Variants in CRBN observed in about 807,000 individuals in gnomAD.
CRBN encodes the protein cereblon.
A neutral mutation model predicts 62.2 loss-of-function variants in CRBN; 53 were observed. That is an observed-to-expected ratio of 0.85 (90% CI 0.68 to 1.07). The LOEUF (loss-of-function observed/expected upper bound fraction) is 1.07, where lower values mean the gene tolerates loss of function less well. Ranked by LOEUF, CRBN falls within the 50% of genes least tolerant of loss-of-function variation. CRBN has a pLI of 0.00. For missense variants in CRBN, 616 were observed against 531.1 expected (o/e 1.16, Z -1.57); for synonymous variants, 208 against 176.1 (o/e 1.18, Z -1.43).
chr3:3,151,618 T>C (rs1448106305), intron 10 of CRBN, among the ~76,000 whole-genome samples: 1 of 152,364 alleles, frequency 6.6e-6, no homozygotes, highest in Non-Finnish European at 1.5e-5. Flanking sequence ...TCCCTAGGTA[T>C]ACCATGCCAC....
At chr3:3,158,135 T>G (rs1290796130) in intron 5 of CRBN, among the ~76,000 whole-genome samples, 1 of 151,950 alleles carries the variant, frequency 6.6e-6, no homozygotes, top group African/African-American at 2.4e-5. Context: ...AAAGATGGGG[T>G]GGAGGATGGT....
chr3:3,156,433 T>C lies in CRBN; in HGVS notation c.688-152A>G, dbSNP rs567035077. 1.4e-5 allele frequency: 9 copies of C among 652,820 alleles called. No individual in the cohort carries two copies. The Admixed American group carries it at 1.7e-4, about 12-fold the overall frequency. The allele number at this position is 652,820 out of a possible 1,614,324, so 40.4% of individuals were successfully genotyped here. ...TGTAGATAATCCCATGACGTGACTATCTATGAAGTGTGAAATCATGCTTCC... is the reference window on the plus strand; with the variant it reads ...TGTAGATAATCCCATGACGTGACTACCTATGAAGTGTGAAATCATGCTTCC... On this transcript the variant is annotated intron_variant, in intron 5 of 10. Transcript: ENST00000231948.
At chr3:3,153,687 A>G (rs1422151393) in intron 8 of CRBN, 199 bp from the exon 9 acceptor site, 8 of 617,948 alleles carry the variant, frequency 1.3e-5, no homozygotes, top group Non-Finnish European at 1.7e-5. Context: ...ATATTTACAT[A>G]AAACTAAATG....
intron 5 of CRBN, among the ~76,000 whole-genome samples, chr3:3,166,511 C>T (rs1707357369): frequency 6.6e-6 from 1 of 152,104 alleles, no homozygotes; most frequent in African/African-American, 2.4e-5. Context: ...AAGGCAGTAT[C>T]AATATTACTA....
chr3:3,170,184 T>C (rs888623865), intron 4 of CRBN, among the ~76,000 whole-genome samples: 2 of 152,174 alleles, frequency 1.3e-5, no homozygotes, highest in Non-Finnish European at 2.9e-5. Context: ...CTTCACCATG[T>C]TGGCCAAGCT....
rs369973557 is a variant in CRBN, at chr3:3,178,826, C to T, written c.67+795G>A. On this transcript the variant is annotated intron_variant, in intron 1 of 10. Coordinates refer to ENST00000231948, the MANE Select transcript of CRBN (RefSeq NM_016302.4). ...GTAATACTTTCAAGTTTGGATGATACACCTTTTGGAAAGCATCTCTTGAAA... is the reference window on the plus strand; with the variant it reads ...GTAATACTTTCAAGTTTGGATGATATACCTTTTGGAAAGCATCTCTTGAAA... Among the ~76,000 whole-genome samples, 18 of 152,226 alleles carry T rather than the reference C, an allele frequency of 1.2e-4. No homozygotes were observed. The East Asian group carries it at 2.9e-3, about 24-fold the overall frequency.
chr3:3,166,324 C>T (rs146477876), intron 5 of CRBN, among the ~76,000 whole-genome samples: 78 of 152,184 alleles, frequency 5.1e-4, no homozygotes, highest in East Asian at 5.0e-3. Context: ...CTATGTAAGA[C>T]GTGACTTGCT....
chr3:3,173,365 T>C (rs1707704000), intron 3 of CRBN, among the ~76,000 whole-genome samples: 1 of 152,084 alleles, frequency 6.6e-6, no homozygotes, highest in African/African-American at 2.4e-5. Context: ...GCCAATTTTA[T>C]TTATTTTTAA....
At chr3:3,166,409 T>A (rs746533715) in intron 5 of CRBN, among the ~76,000 whole-genome samples, 1 of 152,142 alleles carries the variant, frequency 6.6e-6, no homozygotes, top group African/African-American at 2.4e-5. Flanking sequence ...CCAATAAACC[T>A]CTTTTTTTGT....
At chr3:3,175,788 G>C (rs76950963) in intron 1 of CRBN, among the ~76,000 whole-genome samples, 6,246 of 152,140 alleles carry the variant, frequency 0.041, 203 homozygotes, top group African/African-American at 0.09. Context: ...GCCTTTTGTA[G>C]AGTATCCCTC....
At chr3:3,171,339 G>A (rs1349662225) in intron 4 of CRBN, among the ~76,000 whole-genome samples, 1 of 152,138 alleles carries the variant, frequency 6.6e-6, no homozygotes, top group African/African-American at 2.4e-5. Context: ...GGAACTGTTA[G>A]CAAAATCCAC....
intron 9 of CRBN, 123 bp downstream of exon 9, chr3:3,153,301 T>C (rs1304893947): frequency 3.0e-6 from 2 of 657,090 alleles, no homozygotes; most frequent in Non-Finnish European, 5.5e-6. Context: ...TAATTCCCTA[T>C]ATTTCATTTG....
chr3:3,152,734 A>C, intron 9 of CRBN, 147 bp from the exon 10 acceptor site: 1 of 1,001,212 alleles, frequency 1.0e-6, no homozygotes, highest in Non-Finnish European at 1.5e-6. Context: ...CCAGGATCTT[A>C]GTATGAAAAT....
intron 5 of CRBN, among the ~76,000 whole-genome samples, chr3:3,158,150 G>C (rs1706982636): frequency 6.6e-6 from 1 of 152,302 alleles, no homozygotes; most frequent in Middle Eastern, 3.4e-3. Flanking sequence ...GATGGTTTTG[G>C]AATGATTCAA....
chr3:3,155,082 C>G lies in CRBN; in HGVS notation c.751-251G>C, dbSNP rs1706824411. 3.8e-5 allele frequency: 20 copies of G among 523,526 alleles called. No homozygotes were observed. The South Asian group carries it at 4.3e-4, about 11-fold the overall frequency. The allele number at this position is 523,526 out of a possible 1,614,324, so 32.4% of individuals were successfully genotyped here. Reference sequence around the variant, plus strand: ...GCGGTATATGCTCCCAACTCCCTTGCAGATTGTTCTGTTCTATGCCCCTGC... The same window carrying G: ...GCGGTATATGCTCCCAACTCCCTTGGAGATTGTTCTGTTCTATGCCCCTGC... On this transcript the variant is annotated intron_variant, in intron 6 of 10. Coordinates refer to ENST00000231948, the MANE Select transcript of CRBN (RefSeq NM_016302.4).
At chr3:3,153,727 T>C (rs1019464627) in intron 8 of CRBN, 78 of 614,464 alleles carry the variant, frequency 1.3e-4, no homozygotes, top group Non-Finnish European at 2.1e-4. Context: ...AATAGTGATA[T>C]ATAACCTTGG....
At chr3:3,160,787 C>G (rs1322906793) in intron 5 of CRBN, among the ~76,000 whole-genome samples, 8 of 152,044 alleles carry the variant, frequency 5.3e-5, no homozygotes, top group Admixed American at 5.2e-4. Flanking sequence ...CCAACATTAA[C>G]AACAATATGA....
chr3:3,178,208 A>C, intron 1 of CRBN, among the ~76,000 whole-genome samples: 1 of 152,290 alleles, frequency 6.6e-6, no homozygotes, highest in South Asian at 2.1e-4. Flanking sequence ...AAAATAGCTC[A>C]GCTTTCCATC....
chr3:3,179,587 C>G, intron 1 of CRBN, 34 bp downstream of exon 1: 1 of 1,607,066 alleles, frequency 6.2e-7, no homozygotes, highest in Non-Finnish European at 8.5e-7. Context: ...CCTCGCCCCA[C>G]TCCCGACTAC....
Sources: gnomAD v4.1 joint callset for allele counts (sites outside exome capture counted in the v4.1 genomes callset) on GRCh38, gnomAD v4.1.1 for gene constraint, MANE v1.5 for transcripts, NCBI Gene and HGNC (gene_info 2026-07-23, HGNC 2026-07-21) for gene names.